The following ADGRV1 variants were observed in gnomAD, a reference collection of about 807,000 sequenced individuals.
The protein encoded by ADGRV1 is G-protein coupled receptor 98.
In ADGRV1, 359 loss-of-function variants were observed where a neutral mutation model predicts 596.2. The ratio of observed to expected loss-of-function variants is 0.60; its 90% confidence interval spans 0.55 to 0.66. The LOEUF (loss-of-function observed/expected upper bound fraction) is 0.66, where lower values mean the gene tolerates loss of function less well. Among genes scored for constraint, ADGRV1 ranks in the 30% least tolerant of loss-of-function variants. ADGRV1 has a pLI of 0.00. For missense variants in ADGRV1, 7,274 were observed against 7,575.6 expected, an observed-to-expected ratio of 0.96 and a Z score of 1.48; for synonymous variants, 2,681 against 2,679.2, an observed-to-expected ratio of 1.00 and a Z score of -0.02.
chr5:91,032,145 T>A (rs1340192942), intron 85 of ADGRV1, among the ~76,000 whole-genome samples: 2 of 152,156 alleles, frequency 1.3e-5, no homozygotes, highest in African/African-American at 4.8e-5. Flanking sequence ...GTAATATTCC[T>A]GGTGGAGGGA....
chr5:90,868,264 A>G (rs73181318), intron 83 of ADGRV1, among the ~76,000 whole-genome samples: 1,800 of 152,222 alleles, frequency 0.012, 34 homozygotes, highest in African/African-American at 0.042. Flanking sequence ...TTAGTATGAA[A>G]TTTTATTTAA....
chr5:90,831,159 G>A (rs748705903), intron 77 of ADGRV1, among the ~76,000 whole-genome samples: 3 of 151,864 alleles, frequency 2.0e-5, no homozygotes, highest in Non-Finnish European at 1.5e-5. Flanking sequence ...TCCTGCAGAT[G>A]ATCTTGAGAC....
intron 20 of ADGRV1, 28 bp from the exon 21 acceptor site, chr5:90,657,877 T>C (rs1169796499): frequency 6.3e-7 from 1 of 1,575,738 alleles, no homozygotes; most frequent in South Asian, 1.2e-5. Context: ...GAAGGTATTG[T>C]AGCATTTAAA....
chr5:90,830,614 A>G (rs1561816746), intron 77 of ADGRV1, among the ~76,000 whole-genome samples: 1 of 152,184 alleles, frequency 6.6e-6, no homozygotes, highest in Non-Finnish European at 1.5e-5. Flanking sequence ...TAGATTCTTC[A>G]TAAGTGATTC....
chr5:91,012,502 A>G (rs1479855369), intron 85 of ADGRV1, among the ~76,000 whole-genome samples: 1 of 151,676 alleles, frequency 6.6e-6, no homozygotes, highest in Non-Finnish European at 1.5e-5. Flanking sequence ...ATGAATAGCT[A>G]TTTATTTGAA....
At chr5:90,777,377 C>T (rs1255831515) in intron 61 of ADGRV1, among the ~76,000 whole-genome samples, 1 of 152,108 alleles carries the variant, frequency 6.6e-6, no homozygotes, top group Admixed American at 6.5e-5. Flanking sequence ...CATATCAGGG[C>T]CTATCATATA....
intron 78 of ADGRV1, among the ~76,000 whole-genome samples, chr5:90,843,947 T>C (rs1283819884): frequency 6.6e-6 from 1 of 152,186 alleles, no homozygotes; most frequent in Admixed American, 6.5e-5. Flanking sequence ...AAATTTGGAT[T>C]ATCACATAAA....
chr5:90,860,156 T>C (rs1581349664), intron 82 of ADGRV1, among the ~76,000 whole-genome samples: 1 of 152,050 alleles, frequency 6.6e-6, no homozygotes, highest in African/African-American at 2.4e-5. Context: ...TAGTGGCTAT[T>C]ATATTGAACA....
chr5:90,981,968 A>ATAT (rs1562040918), intron 84 of ADGRV1, among the ~76,000 whole-genome samples: 1 of 151,546 alleles, frequency 6.6e-6, no homozygotes, highest in African/African-American at 2.4e-5. Flanking sequence ...AAACCTGGAT[A>ATAT]AATTACTTAC....
At chr5:90,794,151 A>G (rs1043986668) in intron 70 of ADGRV1, among the ~76,000 whole-genome samples, 1 of 152,192 alleles carries the variant, frequency 6.6e-6, no homozygotes, top group East Asian at 1.9e-4. Flanking sequence ...CAGGTAAGCC[A>G]CAGAGAAGGA....
chr5:90,839,369 C>T (rs1297174127), intron 77 of ADGRV1, among the ~76,000 whole-genome samples: 1 of 152,094 alleles, frequency 6.6e-6, no homozygotes, highest in Non-Finnish European at 1.5e-5. Flanking sequence ...TGCTTGCCAC[C>T]ATGCCCGGCT....
At chr5:90,652,632 T>A in intron 19 of ADGRV1, 69 bp downstream of exon 19, 1 of 970,160 alleles carries the variant, frequency 1.0e-6, no homozygotes, top group Non-Finnish European at 1.5e-6. Flanking sequence ...ATTTTATACT[T>A]AGATAATTAG....
chr5:90,914,369 GT>G (rs1410916651), intron 83 of ADGRV1, among the ~76,000 whole-genome samples: 1 of 152,014 alleles, frequency 6.6e-6, no homozygotes, highest in Non-Finnish European at 1.5e-5. Context: ...ATAGAGACTC[GT>G]CTCATTTAAA....
chr5:90,594,485 C>CTT (rs569370594), intron 1 of ADGRV1, among the ~76,000 whole-genome samples: 8 of 108,308 alleles, frequency 7.4e-5, no homozygotes, highest in Non-Finnish European at 1.2e-4. Flanking sequence ...TCTGGCAGTT[C>CTT]TTTTTTTTTT....
At chr5:91,096,706 TAGTAAA>T (rs1790898203) in intron 86 of ADGRV1, among the ~76,000 whole-genome samples, 1 of 152,194 alleles carries the variant, frequency 6.6e-6, no homozygotes, top group Non-Finnish European at 1.5e-5. Flanking sequence ...TTGTTAATTG[TAGTAAA>T]ATATACATAA....
intron 33 of ADGRV1, among the ~76,000 whole-genome samples, chr5:90,696,387 C>T (rs55720814): frequency 0.2 from 30,859 of 151,950 alleles, 3,850 homozygotes; most frequent in East Asian, 0.4. Context: ...GTCATCTCAT[C>T]GAGTTACTCA....
intron 70 of ADGRV1, among the ~76,000 whole-genome samples, chr5:90,801,497 G>A (rs913975536): frequency 1.3e-5 from 2 of 151,486 alleles, no homozygotes; most frequent in South Asian, 2.1e-4. Context: ...GGAGAGGTGC[G>A]ATATACATGA....
At chr5:90,844,663 G>T (rs1328346020) in intron 78 of ADGRV1, among the ~76,000 whole-genome samples, 1 of 152,150 alleles carries the variant, frequency 6.6e-6, no homozygotes, top group Non-Finnish European at 1.5e-5. Context: ...TCAAAGCTTG[G>T]CAAAGCCCAT....
At chr5:90,789,902 G>A in intron 69 of ADGRV1, 51 bp downstream of exon 69, 1 of 1,248,044 alleles carries the variant, frequency 8.0e-7, no homozygotes, top group Non-Finnish European at 1.0e-6. Flanking sequence ...TAACAAATGT[G>A]GTTAAGAGGG....
Sources: allele counts gnomAD v4.1 joint callset (sites outside exome capture counted in the v4.1 genomes callset), GRCh38; gene constraint gnomAD v4.1.1; transcripts MANE v1.5; gene names NCBI Gene and HGNC (gene_info 2026-07-23, HGNC 2026-07-21).